The following PHAF1 variants were observed in gnomAD, a reference collection of about 807,000 sequenced individuals.
The protein encoded by PHAF1 is phagosome assembly factor 1.
Under a neutral mutation model 63.1 loss-of-function variants are expected in PHAF1, and 23 were observed. That is an observed-to-expected ratio of 0.36 (90% confidence interval 0.26 to 0.52). PHAF1 has a LOEUF of 0.52. PHAF1 is among the 20% of genes least tolerant of loss of function. The pLI is 0.93. For synonymous variants in PHAF1, 167 were observed against 185.0 expected (o/e 0.90, Z 0.79); for missense variants, 427 against 517.2 (o/e 0.83, Z 1.69).
At position 67,144,231 on chromosome 16, in the gene PHAF1, G is replaced by A; in HGVS notation, c.880-63G>A. 3.2e-6 allele frequency: 4 copies of A among 1,238,716 alleles called. No homozygotes were observed. In the South Asian group the frequency reaches 4.9e-5, roughly 15 times the overall value. The allele number at this position is 1,238,716 out of a possible 1,614,324, so 76.7% of individuals were successfully genotyped here. A position where few individuals can be genotyped will look rare whatever the true frequency, so the allele number is the denominator to read the frequency against. On this transcript the variant is annotated intron_variant, in intron 10 of 15. Transcript: ENST00000219139. ...GATGTCCCAAGTTGGACATGCCTTT[G>A]GAAAGGCCTCTGCCCTGCCTCAGTA...
At chr16:67,145,762 C>T (rs1277960388) in intron 14 of PHAF1, 134 bp downstream of exon 14, 6 of 895,766 alleles carry the variant, frequency 6.7e-6, no homozygotes, top group Non-Finnish European at 1.0e-5. Flanking sequence ...ATACTTCCTG[C>T]CCCACTCTGC....
intron 6 of PHAF1, 41 bp from the exon 7 acceptor site, chr16:67,134,127 C>T (rs1963521627): frequency 6.6e-7 from 1 of 1,520,196 alleles, no homozygotes; most frequent in African/African-American, 1.4e-5. Context: ...AGTCCCATCA[C>T]CTGTTGTGCC....
chr16:67,141,133 C>T (rs1317560939), intron 10 of PHAF1, among the ~76,000 whole-genome samples: 1 of 152,200 alleles, frequency 6.6e-6, no homozygotes, highest in African/African-American at 2.4e-5. Context: ...CAGCAGGAAA[C>T]ATCTCAAGAG....
chr16:67,139,608 C>G (rs1041357608), intron 8 of PHAF1: 1 of 180,852 alleles, frequency 5.5e-6, no homozygotes, highest in Non-Finnish European at 1.2e-5. Flanking sequence ...CTTGGCCTCC[C>G]AAAGTGCTGG....
In PHAF1 at chr16:67,126,076, A is replaced by C. The variant is rs779281068; in HGVS notation, c.231+34A>C. On this transcript the variant is annotated intron_variant, in intron 3 of 15. Coordinates refer to ENST00000219139, the MANE Select transcript of PHAF1 (RefSeq NM_025187.5). ...AAATGACAACTAATGTTTCATGTCCAGCTGGGCCAGTCTTTCTGGAGCTAA... is the reference window on the plus strand; with the variant it reads ...AAATGACAACTAATGTTTCATGTCCCGCTGGGCCAGTCTTTCTGGAGCTAA... 5 of 1,508,374 alleles carry C rather than the reference A, an allele frequency of 3.3e-6. No homozygotes were observed. In the East Asian group the frequency reaches 1.1e-4, roughly 34 times the overall value. 93.4% of individuals were successfully genotyped at this position (1,508,374 alleles called of 1,614,324 possible).
chr16:67,137,623 C>T (rs944593971), intron 8 of PHAF1, among the ~76,000 whole-genome samples: 2 of 152,106 alleles, frequency 1.3e-5, no homozygotes, highest in Non-Finnish European at 2.9e-5. Flanking sequence ...CCAGCCTGAG[C>T]TATAGTTTTT....
chr16:67,112,320 G>A (rs1011404398), intron 1 of PHAF1, among the ~76,000 whole-genome samples: 1 of 142,672 alleles, frequency 7.0e-6, no homozygotes, highest in Non-Finnish European at 1.5e-5. Context: ...GAGACAGGAG[G>A]ATAGCTTGAA....
Position 67,110,188 on chromosome 16 carries a change from G to A in PHAF1, c.13G>A (p.Glu5Lys), listed in dbSNP as rs753744182. MLDLEVVPERSLGNE... is the reference protein window; with the variant it reads MLDLKVVPERSLGNE... The stretch of plus-strand genomic sequence containing the variant: ...GCGAGCCGAACCAATGCTGGACCTG[G>A]AGGTAGTGCCCGAACGCTCTCTGGG... The change falls in exon 1 of 16, where the codon GAG becomes AAG. Residue 5 changes from glutamate to lysine, a missense_variant. Transcript: ENST00000219139. The A allele has an allele frequency of 6.4e-7, 1 of 1,552,744 alleles. No individual in the cohort carries two copies. Among genetic ancestry groups the A allele is most frequent in the Admixed American group, 2.0e-5 (1 of 51,184 alleles).
chr16:67,125,385 G>C (rs929864339), intron 2 of PHAF1, among the ~76,000 whole-genome samples: 4 of 152,130 alleles, frequency 2.6e-5, no homozygotes. Context: ...GAGAGAAAAA[G>C]GATAAGAGGG....
intron 1 of PHAF1, among the ~76,000 whole-genome samples, chr16:67,112,193 G>A (rs1046639718): frequency 4.6e-5 from 7 of 152,000 alleles, no homozygotes; most frequent in Middle Eastern, 6.8e-3. Context: ...GTGCTTAGTA[G>A]TGTGACTAGG....
At chr16:67,138,862 T>C (rs1963699616) in intron 8 of PHAF1, among the ~76,000 whole-genome samples, 1 of 152,156 alleles carries the variant, frequency 6.6e-6, no homozygotes, top group South Asian at 2.1e-4. Flanking sequence ...ACTCTACTTG[T>C]TGATAGAGCA....
chr16:67,123,158 C>G (rs961566995), intron 2 of PHAF1, among the ~76,000 whole-genome samples: 2 of 150,342 alleles, frequency 1.3e-5, no homozygotes, highest in African/African-American at 4.9e-5. Context: ...ATGATCATGG[C>G]TCACTGGAAC....
intron 8 of PHAF1, among the ~76,000 whole-genome samples, chr16:67,136,553 C>A (rs1487718738): frequency 2.2e-4 from 22 of 98,976 alleles, no homozygotes; most frequent in African/African-American, 1.1e-3. Flanking sequence ...GGCATTGATT[C>A]CTTTTTTTTT....
In PHAF1 at chr16:67,140,129, A is replaced by T. The variant is rs1963753091; in HGVS notation, c.795+12A>T. On this transcript the variant is annotated intron_variant, in intron 9 of 15. Coordinates refer to ENST00000219139, the MANE Select transcript of PHAF1 (RefSeq NM_025187.5). ...AATCAGAAGACAAGGTAGGGGAATTATGTTGCAGTCTCCTCCTTTTTTTTA... is the reference window on the plus strand; with the variant it reads ...AATCAGAAGACAAGGTAGGGGAATTTTGTTGCAGTCTCCTCCTTTTTTTTA... 1.2e-6 allele frequency: 2 copies of T among 1,612,630 alleles called. No individual in the cohort carries two copies. Among genetic ancestry groups the T allele is most frequent in the African/African-American group, 2.7e-5 (2 of 74,826 alleles).
chr16:67,140,742 T>C (rs1283956203), intron 10 of PHAF1, 148 bp downstream of exon 10: 2 of 654,144 alleles, frequency 3.1e-6, no homozygotes, highest in Non-Finnish European at 5.3e-6. Context: ...TTGTTTTGCA[T>C]AGGCTCTGGT....
At chr16:67,145,457 T>A in intron 13 of PHAF1, 38 bp downstream of exon 13, 1 of 1,613,900 alleles carries the variant, frequency 6.2e-7, no homozygotes, top group Non-Finnish European at 8.5e-7. Context: ...AGCCTGAGAA[T>A]GAGGTGGACA....
intron 6 of PHAF1, 149 bp from the exon 7 acceptor site, chr16:67,134,019 C>T (rs1963516960): frequency 1.6e-6 from 1 of 630,392 alleles, no homozygotes; most frequent in Non-Finnish European, 2.8e-6. Flanking sequence ...GGGGAGTTTA[C>T]TGACCCAGAG....
intron 3 of PHAF1, among the ~76,000 whole-genome samples, chr16:67,130,116 C>T (rs897666228): frequency 2.1e-5 from 3 of 144,340 alleles, no homozygotes; most frequent in African/African-American, 7.7e-5. Flanking sequence ...GCGCAATCTC[C>T]GCTCACTGCA....
chr16:67,127,311 G>T (rs1963230784), intron 3 of PHAF1, among the ~76,000 whole-genome samples: 1 of 152,208 alleles, frequency 6.6e-6, no homozygotes, highest in Non-Finnish European at 1.5e-5. Context: ...TTGGGTTATG[G>T]AGTAGCCTTT....
Sources: gnomAD v4.1 joint callset for allele counts (sites outside exome capture counted in the v4.1 genomes callset) on GRCh38, gnomAD v4.1.1 for gene constraint, MANE v1.5 for transcripts, NCBI Gene and HGNC (gene_info 2026-07-23, HGNC 2026-07-21) for gene names.